KIAA1217: variants seen among roughly 807,000 people sequenced by gnomAD.
KIAA1217 encodes KIAA1217, also known as sickle tail protein homolog.
In KIAA1217, 88 loss-of-function variants were observed where a neutral mutation model predicts 163.9. The observed-to-expected ratio is 0.54, with a 90% confidence interval of 0.45 to 0.64. KIAA1217 has a LOEUF of 0.64. Among genes scored for constraint, KIAA1217 ranks in the 30% least tolerant of loss-of-function variants. KIAA1217 has a pLI of 0.00. For missense variants in KIAA1217, 2,372 were observed against 2,475.0 expected, an observed-to-expected ratio of 0.96 and a Z score of 0.88; for synonymous variants, 903 against 923.1, an observed-to-expected ratio of 0.98 and a Z score of 0.39.
intron 1 of KIAA1217, among the ~76,000 whole-genome samples, chr10:23,804,132 C>T (rs1836622140): frequency 6.6e-6 from 1 of 152,154 alleles, no homozygotes; most frequent in Non-Finnish European, 1.5e-5. Context: ...CTTAGGCCTC[C>T]ATCTAGATCA....
chr10:23,824,696 G>A (rs1267808691), intron 1 of KIAA1217, among the ~76,000 whole-genome samples: 1 of 127,294 alleles, frequency 7.9e-6, no homozygotes, highest in Admixed American at 8.4e-5. Flanking sequence ...TATATGATAT[G>A]TAAAGGAGAA....
intron 2 of KIAA1217, among the ~76,000 whole-genome samples, chr10:24,250,596 CTAATT>C (rs2074370946): frequency 5.2e-5 from 1 of 19,382 alleles, no homozygotes; most frequent in South Asian, 2.2e-3. Context: ...CCACGCCTTG[CTAATT>C]TTTTTTTTTT....
chr10:24,401,429 G>C (rs1346181339), intron 3 of KIAA1217, among the ~76,000 whole-genome samples: 5 of 152,048 alleles, frequency 3.3e-5, no homozygotes, highest in African/African-American at 9.7e-5. Context: ...ATGCACGGCT[G>C]GTTCAATATT....
intron 1 of KIAA1217, among the ~76,000 whole-genome samples, chr10:23,925,848 CCT>C (rs538702912): frequency 1.1e-4 from 16 of 152,232 alleles, no homozygotes; most frequent in Admixed American, 9.2e-4. Context: ...AAATAATACT[CCT>C]CTTTTCTGCA....
At position 23,774,128 on chromosome 10, in the gene KIAA1217, T is replaced by C. The variant is rs562305291; in HGVS notation, c.-321+78894T>C. Among the ~76,000 whole-genome samples, 53 of 152,270 alleles carry C rather than the reference T, an allele frequency of 3.5e-4. 2 individuals carry two copies. In the East Asian group the frequency reaches 9.3e-3, roughly 27 times the overall value. On this transcript the variant is annotated intron_variant, in intron 1 of 18. Coordinates refer to the KIAA1217 transcript ENST00000376462. The stretch of plus-strand genomic sequence containing the variant: ...AGATAGCTCTTATTATTTTGAGATA[T>C]GTCCCATCAATACCTAATTTATCAA...
intron 2 of KIAA1217, among the ~76,000 whole-genome samples, chr10:24,103,340 A>T (rs925739148): frequency 1.3e-5 from 2 of 152,180 alleles, no homozygotes; most frequent in Admixed American, 6.5e-5. Flanking sequence ...ATGACCTTAG[A>T]TGTGGTAATG....
intron 14 of KIAA1217, 71 bp from the exon 15 acceptor site, chr10:24,531,759 A>G (rs2073161058): frequency 7.1e-7 from 1 of 1,404,554 alleles, no homozygotes. Context: ...TTGGGTTTGT[A>G]GCAATATACC....
At chr10:24,420,789 G>T (rs2058668037) in intron 3 of KIAA1217, among the ~76,000 whole-genome samples, 1 of 152,064 alleles carries the variant, frequency 6.6e-6, no homozygotes, top group African/African-American at 2.4e-5. Flanking sequence ...ATTTCTCTAT[G>T]GGTTTGTATG....
At chr10:24,103,996 C>CA (rs1423498815) in intron 2 of KIAA1217, among the ~76,000 whole-genome samples, 2 of 152,072 alleles carry the variant, frequency 1.3e-5, no homozygotes, top group African/African-American at 4.8e-5. Flanking sequence ...GTGTCCCCAC[C>CA]CAAATCTCAT....
chr10:23,932,241 C>G (rs1047586431), intron 1 of KIAA1217, among the ~76,000 whole-genome samples: 1 of 152,172 alleles, frequency 6.6e-6, no homozygotes, highest in Non-Finnish European at 1.5e-5. Context: ...TGATATTCAT[C>G]ACAGCTTGTG....
chr10:24,359,702 T>G (rs1217524838), intron 2 of KIAA1217, among the ~76,000 whole-genome samples: 1 of 152,224 alleles, frequency 6.6e-6, no homozygotes, highest in Non-Finnish European at 1.5e-5. Context: ...CTAAGATTCC[T>G]TAGGAAATTA....
chr10:24,092,928 T>TGTTGTG (rs548350322), intron 2 of KIAA1217, among the ~76,000 whole-genome samples: 57 of 141,062 alleles, frequency 4.0e-4, no homozygotes, highest in African/African-American at 9.3e-4. Context: ...TGTGTGTGTG[T>TGTTGTG]TGTGTGTGTG....
intron 2 of KIAA1217, among the ~76,000 whole-genome samples, chr10:24,074,528 T>A (rs1186985415): frequency 6.6e-6 from 1 of 152,148 alleles, no homozygotes; most frequent in Non-Finnish European, 1.5e-5. Flanking sequence ...AGTAACAAAC[T>A]GTTTTTTGTT....
chr10:24,133,512 C>A (rs1371078419), intron 2 of KIAA1217, among the ~76,000 whole-genome samples: 1 of 150,152 alleles, frequency 6.7e-6, no homozygotes, highest in East Asian at 2.0e-4. Context: ...GCAGAGGTTG[C>A]AGTGAGCCAA....
chr10:24,348,381 G>T (rs1258531387), intron 2 of KIAA1217, among the ~76,000 whole-genome samples: 2 of 150,640 alleles, frequency 1.3e-5, no homozygotes, highest in Admixed American at 1.3e-4. Flanking sequence ...AGAATTACCA[G>T]TAAGTATACT....
chr10:24,282,889 A>G (rs144322263), intron 2 of KIAA1217, among the ~76,000 whole-genome samples: 3,688 of 138,454 alleles, frequency 0.027, 159 homozygotes, highest in African/African-American at 0.097. Flanking sequence ...GCTGGAGTGC[A>G]ATGGCGCAAT....
intron 16 of KIAA1217, among the ~76,000 whole-genome samples, chr10:24,536,479 T>A (rs2074029712): frequency 6.6e-6 from 1 of 152,158 alleles, no homozygotes; most frequent in Non-Finnish European, 1.5e-5. Flanking sequence ...CAAGAAGCCC[T>A]CCTAAGTACC....
chr10:24,513,664 G>A (rs1053818255), intron 10 of KIAA1217, among the ~76,000 whole-genome samples: 26 of 151,840 alleles, frequency 1.7e-4, no homozygotes, highest in South Asian at 4.2e-4. Context: ...TAAAAGTTGC[G>A]GCATTGCTGG....
intron 1 of KIAA1217, among the ~76,000 whole-genome samples, chr10:23,853,303 T>G (rs1185235553): frequency 6.6e-6 from 1 of 152,238 alleles, no homozygotes; most frequent in Non-Finnish European, 1.5e-5. Context: ...TCTGTTTATA[T>G]GCTGGATTAC....
Sources: allele counts gnomAD v4.1 joint callset (sites outside exome capture counted in the v4.1 genomes callset), GRCh38; gene constraint gnomAD v4.1.1; transcripts MANE v1.5; gene names NCBI Gene and HGNC (gene_info 2026-07-23, HGNC 2026-07-21).